The following PTPN9 variants were observed in gnomAD, a reference collection of about 807,000 sequenced individuals.
PTPN9 encodes the protein protein tyrosine phosphatase non-receptor type 9.
PTPN9 carries 26 observed loss-of-function variants against 69.8 expected under a neutral mutation model. The ratio of observed to expected loss-of-function variants is 0.37; its 90% CI spans 0.27 to 0.52. PTPN9 has a LOEUF of 0.52. PTPN9 is among the 20% of genes least tolerant of loss of function. The pLI is 0.91. For missense variants in PTPN9, 549 were observed against 740.3 expected, an observed-to-expected ratio of 0.74 and a Z score of 3.00; for synonymous variants, 274 against 272.5, an observed-to-expected ratio of 1.01 and a Z score of -0.05.
chr15:75,563,966 CTG>C (rs1303001443), intron 1 of PTPN9, among the ~76,000 whole-genome samples: 1 of 152,074 alleles, frequency 6.6e-6, no homozygotes, highest in African/African-American at 2.4e-5. Context: ...AAAAATAACA[CTG>C]TGTGGTGATT....
intron 1 of PTPN9, among the ~76,000 whole-genome samples, chr15:75,541,951 C>A (rs1288027818): frequency 1.3e-5 from 2 of 151,906 alleles, no homozygotes; most frequent in South Asian, 4.2e-4. Context: ...GCAGAAGAAT[C>A]GCCTGAACCT....
At chr15:75,487,029 C>T (rs1253409889) in intron 8 of PTPN9, among the ~76,000 whole-genome samples, 4 of 152,030 alleles carry the variant, frequency 2.6e-5, no homozygotes, top group African/African-American at 4.8e-5. Flanking sequence ...TTGTGATCTG[C>T]CCGCCTCGGC....
intron 1 of PTPN9, among the ~76,000 whole-genome samples, chr15:75,542,902 G>A (rs1220195383): frequency 6.7e-6 from 1 of 150,204 alleles, no homozygotes; most frequent in Non-Finnish European, 1.5e-5. Context: ...ACAATGTGCA[G>A]GTTTGTTACA....
At chr15:75,513,989 C>T (rs773979122) in intron 5 of PTPN9, among the ~76,000 whole-genome samples, 1 of 151,024 alleles carries the variant, frequency 6.6e-6, no homozygotes, top group Non-Finnish European at 1.5e-5. Context: ...ATCCCAACTA[C>T]TTGGGAAATT....
At chr15:75,509,069 G>GTGAC (rs2074833807) in intron 5 of PTPN9, 42 bp from the exon 6 acceptor site, 2 of 1,518,760 alleles carry the variant, frequency 1.3e-6, no homozygotes, top group Non-Finnish European at 1.8e-6. Context: ...AATGGAACCT[G>GTGAC]TGACTCTTCA....
intron 7 of PTPN9, among the ~76,000 whole-genome samples, chr15:75,498,870 G>GT (rs1269114527): frequency 1.3e-5 from 2 of 152,152 alleles, no homozygotes; most frequent in Non-Finnish European, 2.9e-5. Flanking sequence ...AAACCTACAT[G>GT]TGTGACAAAA....
At chr15:75,523,370 C>T in intron 3 of PTPN9, 125 bp from the exon 4 acceptor site, 1 of 1,086,576 alleles carries the variant, frequency 9.2e-7, no homozygotes, top group East Asian at 2.6e-5. Flanking sequence ...AATTCCCTGA[C>T]TTCACCAATT....
chr15:75,474,835 A>G (rs977993675), intron 9 of PTPN9, among the ~76,000 whole-genome samples: 17 of 151,986 alleles, frequency 1.1e-4, no homozygotes, highest in Admixed American at 4.6e-4. Flanking sequence ...TTCCCTTCCA[A>G]TCTACTCTGG....
intron 7 of PTPN9, among the ~76,000 whole-genome samples, chr15:75,497,340 A>C (rs535729300): frequency 6.6e-6 from 1 of 152,102 alleles, no homozygotes; most frequent in Non-Finnish European, 1.5e-5. Context: ...AACTTCAAAA[A>C]AATTAGCAAG....
intron 9 of PTPN9, among the ~76,000 whole-genome samples, chr15:75,475,306 G>A (rs1049583744): frequency 2.6e-5 from 4 of 152,082 alleles, no homozygotes; most frequent in Admixed American, 6.6e-5. Flanking sequence ...CCGGCCGGGC[G>A]CAGGGCTCAC....
At chr15:75,480,479 G>A (rs1567468324) in intron 8 of PTPN9, among the ~76,000 whole-genome samples, 1 of 151,670 alleles carries the variant, frequency 6.6e-6, no homozygotes, top group African/African-American at 2.4e-5. Context: ...GGAGCGCAGA[G>A]GAGGTCGCGG....
chr15:75,539,315 ATT>A (rs11324064), intron 1 of PTPN9, among the ~76,000 whole-genome samples: 25,796 of 144,318 alleles, frequency 0.18, 2,846 homozygotes, highest in Non-Finnish European at 0.26. Flanking sequence ...TATTTAGAAG[ATT>A]TTTTTTTTTT....
intron 1 of PTPN9, among the ~76,000 whole-genome samples, chr15:75,559,248 G>A (rs942778308): frequency 2.0e-5 from 3 of 152,152 alleles, no homozygotes; most frequent in African/African-American, 4.8e-5. Flanking sequence ...CCCTCTGCCC[G>A]GCCACCACCC....
At chr15:75,486,111 A>AC (rs1250384413) in intron 8 of PTPN9, among the ~76,000 whole-genome samples, 1 of 150,762 alleles carries the variant, frequency 6.6e-6, no homozygotes, top group African/African-American at 2.4e-5. Context: ...AAAAAAAAAA[A>AC]AAAAACAAAA....
At chr15:75,529,159 G>T (rs1191183301) in intron 1 of PTPN9, among the ~76,000 whole-genome samples, 1 of 151,686 alleles carries the variant, frequency 6.6e-6, no homozygotes, top group Non-Finnish European at 1.5e-5. Context: ...GCTAATTTTT[G>T]TATTTTTAGT....
chr15:75,509,793 G>A (rs2074836963), intron 5 of PTPN9, among the ~76,000 whole-genome samples: 2 of 152,090 alleles, frequency 1.3e-5, no homozygotes, highest in South Asian at 4.1e-4. Flanking sequence ...AGACCAGCCT[G>A]GCCAACATGG....
At chr15:75,571,091 C>G (rs12900432) in intron 1 of PTPN9, among the ~76,000 whole-genome samples, 8,792 of 152,112 alleles carry the variant, frequency 0.058, 329 homozygotes, top group Middle Eastern at 0.082. Context: ...GAAACCCCGT[C>G]TCTACTAAAA....
intron 1 of PTPN9, among the ~76,000 whole-genome samples, chr15:75,528,667 T>C (rs894633442): frequency 6.6e-6 from 1 of 151,688 alleles, no homozygotes; most frequent in Non-Finnish European, 1.5e-5. Flanking sequence ...GTGCTGGGAT[T>C]ACAGGCATGA....
intron 1 of PTPN9, among the ~76,000 whole-genome samples, chr15:75,546,975 A>G: frequency 6.6e-6 from 1 of 151,966 alleles, no homozygotes; most frequent in Non-Finnish European, 1.5e-5. Flanking sequence ...CTGCCACAGC[A>G]GAACTCTCAC....
Sources: gnomAD v4.1 joint callset for allele counts (sites outside exome capture counted in the v4.1 genomes callset) on GRCh38, gnomAD v4.1.1 for gene constraint, MANE v1.5 for transcripts, NCBI Gene and HGNC (gene_info 2026-07-23, HGNC 2026-07-21) for gene names.